Variants in BRIP1 observed in about 807,000 individuals in gnomAD.
BRIP1 encodes BRCA1 interacting DNA helicase 1, also known as Fanconi anemia group J protein.
Under a neutral mutation model 119.7 loss-of-function variants are expected in BRIP1, and 88 were observed. The ratio of observed to expected loss-of-function variants is 0.74; its 90% CI spans 0.62 to 0.88. The LOEUF is 0.88. Among genes scored for constraint, BRIP1 ranks in the 40% least tolerant of loss-of-function variants. The pLI, the probability that BRIP1 is intolerant of heterozygous loss-of-function variation, is 0.00. For synonymous variants in BRIP1, 443 were observed against 496.5 expected, an observed-to-expected ratio of 0.89 and a Z score of 1.43; for missense variants, 1,259 against 1,455.4, an observed-to-expected ratio of 0.87 and a Z score of 2.20.
chr17:61,790,258 T>C (rs527454671), intron 10 of BRIP1, among the ~76,000 whole-genome samples: 1 of 152,178 alleles, frequency 6.6e-6, no homozygotes, highest in Non-Finnish European at 1.5e-5. Context: ...TTAAGATTCA[T>C]CTAGAGCCAG....
At chr17:61,801,550 T>C (rs2077994803) in intron 7 of BRIP1, 76 bp from the exon 8 acceptor site, 1 of 1,311,222 alleles carries the variant, frequency 7.6e-7, no homozygotes, top group Non-Finnish European at 1.1e-6. Context: ...ATCTCAGAAT[T>C]TGAGGAACAT....
In BRIP1 at chr17:61,827,244, G is replaced by A. The variant is rs1192162425; in HGVS notation, c.628-18487C>T. On this transcript the variant is annotated intron_variant, in intron 6 of 19. Coordinates refer to ENST00000259008, the MANE Select transcript of BRIP1 (RefSeq NM_032043.3). This position sits in a 1 kb window ranked among gnomAD's most constrained non-coding sequence, Gnocchi z 5.8. ...ATGAGAACATATGGAAACATAAAGG[G>A]GAAAAACACACAATGGGGCCTATCA... Among the ~76,000 whole-genome samples the A allele has an allele frequency of 6.6e-6, 1 of 152,034 alleles. No homozygotes were observed. The highest frequency in any genetic ancestry group is 2.4e-5 in the African/African-American group (1 of 41,390).
rs1403591608 is a variant in BRIP1 at position 61,740,808 on chromosome 17, G to C, written c.2379+2205C>G. Among the ~76,000 whole-genome samples, 1 of 152,186 alleles carries C rather than the reference G, an allele frequency of 6.6e-6. No homozygotes were observed. Among genetic ancestry groups the C allele is most frequent in the Non-Finnish European group, 1.5e-5 (1 of 68,040 alleles). ...GAATGATCATCTGAGCCTTCAGTGAGTCACTCTCTTTGCTGGTAGAGGGTC... is the reference window on the plus strand; with the variant it reads ...GAATGATCATCTGAGCCTTCAGTGACTCACTCTCTTTGCTGGTAGAGGGTC... On this transcript the variant is annotated intron_variant, in intron 16 of 19. Coordinates refer to ENST00000259008, the MANE Select transcript of BRIP1 (RefSeq NM_032043.3). The surrounding 1 kb of genome is among the most constrained non-coding windows in gnomAD (Gnocchi z 5.4).
Position 61,843,365 on chromosome 17 carries a change from G to A in BRIP1, c.627+3736C>T, listed in dbSNP as rs978210643. Among the ~76,000 whole-genome samples, 2 of 151,958 alleles carry A rather than the reference G, an allele frequency of 1.3e-5. No homozygotes were observed. Among genetic ancestry groups the A allele is most frequent in the African/African-American group, 4.8e-5 (2 of 41,348 alleles). Reference sequence around the variant, plus strand: ...TCGATATTGGCTTTAAAATTTTCAGGTGTTCTCAACACACACACACACACA... The same window carrying A: ...TCGATATTGGCTTTAAAATTTTCAGATGTTCTCAACACACACACACACACA... On this transcript the variant is annotated intron_variant, in intron 6 of 19. Transcript: ENST00000259008. This position sits in a 1 kb window ranked among gnomAD's most constrained non-coding sequence, Gnocchi z 5.7.
chr17:61,850,720 C>A (rs1048814089), intron 4 of BRIP1, among the ~76,000 whole-genome samples: 1 of 151,328 alleles, frequency 6.6e-6, no homozygotes, highest in Non-Finnish European at 1.5e-5. Flanking sequence ...CCCAGCTACT[C>A]GGGAGGTTGA....
At chr17:61,791,084 G>A (rs2077808737) in intron 10 of BRIP1, among the ~76,000 whole-genome samples, 1 of 152,114 alleles carries the variant, frequency 6.6e-6, no homozygotes, top group African/African-American at 2.4e-5. Context: ...TAAAATATAT[G>A]TTTTAATAGT....
chr17:61,768,193 T>C lies in BRIP1; in HGVS notation c.2097+8208A>G, dbSNP rs966963872. On this transcript the variant is annotated intron_variant, in intron 14 of 19. Coordinates refer to ENST00000259008, the MANE Select transcript of BRIP1 (RefSeq NM_032043.3). The surrounding 1 kb of genome is among the most constrained non-coding windows in gnomAD (Gnocchi z 5.0). ...ATGTACTCAATAATGATTTCTTCAA[T>C]GGATTAAGTAAATAAAAATAAATGT... Among the ~76,000 whole-genome samples, 2 of 152,184 alleles carry C rather than the reference T, an allele frequency of 1.3e-5. No individual in the cohort carries two copies. Among genetic ancestry groups the C allele is most frequent in the African/African-American group, 2.4e-5 (1 of 41,450 alleles).
In BRIP1 at chr17:61,828,472, C is replaced by A. The variant is rs2078442090; in HGVS notation, c.627+18629G>T. ...GTTTGGAAAGATGAAAAGGTTCTGG[C>A]ACTAGATAATAGTATATAAATATGC... On this transcript the variant is annotated intron_variant, in intron 6 of 19. Coordinates refer to ENST00000259008, the MANE Select transcript of BRIP1 (RefSeq NM_032043.3). The surrounding 1 kb of genome is among the most constrained non-coding windows in gnomAD (Gnocchi z 4.1). Among the ~76,000 whole-genome samples, 2 of 151,640 alleles carry A rather than the reference C, an allele frequency of 1.3e-5. No individual in the cohort carries two copies. Among genetic ancestry groups the A allele is most frequent in the Non-Finnish European group, 2.9e-5 (2 of 67,952 alleles).
Position 61,780,930 on chromosome 17 carries a change from ATT to A in BRIP1, c.1702_1703del (p.Asn568TrpfsTer9), listed in dbSNP as rs1057519365. Reference sequence around the variant, plus strand: ...TATTTTTTGGTAGAACCAACAACCCATTTTTGTCTGAAATATCAATCTGATTT... The same window carrying A: ...TATTTTTTGGTAGAACCAACAACCCATTTGTCTGAAATATCAATCTGATTT... ...WTNQIDISDKNGLLVLPKNKK... is the reference protein window; with the variant it reads ...WTNQIDISDKXGLLVLPKNKK... On this transcript the variant is annotated frameshift_variant, in exon 12 of 20. Coordinates refer to ENST00000259008, the MANE Select transcript of BRIP1 (RefSeq NM_032043.3). LOFTEE classifies it high-confidence loss of function. This position sits in a 1 kb window ranked among gnomAD's most constrained non-coding sequence, Gnocchi z 5.4. The A allele has an allele frequency of 2.5e-6, 4 of 1,614,070 alleles. No homozygotes were observed. The highest frequency in any genetic ancestry group is 1.7e-5 in the Admixed American group (1 of 60,014).
At position 61,762,273 on chromosome 17, in the gene BRIP1, A is replaced by C. The variant is rs2077288401; in HGVS notation, c.2097+14128T>G. On this transcript the variant is annotated intron_variant, in intron 14 of 19. Coordinates refer to ENST00000259008, the MANE Select transcript of BRIP1 (RefSeq NM_032043.3). This position sits in a 1 kb window ranked among gnomAD's most constrained non-coding sequence, Gnocchi z 4.3. ...CAAAATGAATTAAAGATTTAAACCCAAGAACTGAAACTGTAAAACTACTAG... is the reference window on the plus strand; with the variant it reads ...CAAAATGAATTAAAGATTTAAACCCCAGAACTGAAACTGTAAAACTACTAG... Among the ~76,000 whole-genome samples, 1 of 152,148 alleles carries C rather than the reference A, an allele frequency of 6.6e-6. No individual in the cohort carries two copies. Among genetic ancestry groups the C allele is most frequent in the Admixed American group, 6.6e-5 (1 of 15,264 alleles).
chr17:61,697,442 G>A (rs2061546632), intron 17 of BRIP1, among the ~76,000 whole-genome samples: 1 of 142,530 alleles, frequency 7.0e-6, no homozygotes, highest in Admixed American at 6.9e-5. Context: ...TTTAATCTAA[G>A]TTATTTGTCA....
At chr17:61,811,130 GTTTTT>G (rs1223976812) in intron 6 of BRIP1, among the ~76,000 whole-genome samples, 4 of 151,950 alleles carry the variant, frequency 2.6e-5, no homozygotes, top group Non-Finnish European at 4.4e-5. Flanking sequence ...GTTTTTGTTT[GTTTTT>G]TTAAGTTGTA....
rs924697559 is a variant in BRIP1, at chr17:61,822,707, T to G, written c.628-13950A>C. Among the ~76,000 whole-genome samples the G allele has an allele frequency of 2.4e-4, 36 of 151,956 alleles. No homozygotes were observed. The highest frequency in any genetic ancestry group is 8.0e-4 in the African/African-American group (33 of 41,348). ...ATCAATAGAAAGGAGGAAAAATAAT[T>G]GACAAACATCCAGTGATGTGTAAAT... On this transcript the variant is annotated intron_variant, in intron 6 of 19. Coordinates refer to ENST00000259008, the MANE Select transcript of BRIP1 (RefSeq NM_032043.3). This position sits in a 1 kb window ranked among gnomAD's most constrained non-coding sequence, Gnocchi z 4.4.
Position 61,757,631 on chromosome 17 carries a change from C to G in BRIP1, c.2098-13040G>C, listed in dbSNP as rs2077217797. Among the ~76,000 whole-genome samples the G allele has an allele frequency of 3.9e-5, 6 of 152,126 alleles. No individual in the cohort carries two copies. On this transcript the variant is annotated intron_variant, in intron 14 of 19. Coordinates refer to ENST00000259008, the MANE Select transcript of BRIP1 (RefSeq NM_032043.3). This position sits in a 1 kb window ranked among gnomAD's most constrained non-coding sequence, Gnocchi z 4.3. Reference sequence around the variant, plus strand: ...ACAATGATATTTACAATGCAAAAAACTTCAAAAAATGACATTTGTAAAACA... The same window carrying G: ...ACAATGATATTTACAATGCAAAAAAGTTCAAAAAATGACATTTGTAAAACA...
chr17:61,784,204 A>G, intron 11 of BRIP1, 66 bp downstream of exon 11: 5 of 1,452,870 alleles, frequency 3.4e-6, no homozygotes, highest in Non-Finnish European at 4.8e-6. Flanking sequence ...TATGTATTAA[A>G]CACATGCTAG....
chr17:61,854,293 C>A (rs2078863367), intron 4 of BRIP1, among the ~76,000 whole-genome samples: 1 of 151,590 alleles, frequency 6.6e-6, no homozygotes. Context: ...AAAAGAATGG[C>A]TAAAATTAAA....
chr17:61,791,488 C>CAAAAAAAAAAAAAAAA lies in BRIP1; in HGVS notation c.1473+2093_1473+2108dup, dbSNP rs529710126. 7.6e-5 allele frequency among the ~76,000 whole-genome samples: 4 copies of CAAAAAAAAAAAAAAAA among 52,922 alleles called. 1 individual carries two copies. The highest frequency in any genetic ancestry group is 3.3e-4 in the African/African-American group (4 of 12,134). The allele number at this position is 52,922 out of a possible 152,430, so 34.7% of individuals were successfully genotyped here. ...TGGGCAACAGAGTGAGACTTCATCTCAAAAAAAAAAAAAAAAAAAAAAGAA... is the reference window on the plus strand; with the variant it reads ...TGGGCAACAGAGTGAGACTTCATCTCAAAAAAAAAAAAAAAAAAAAAAAAAAAAAAAAAAAAAAGAA... On this transcript the variant is annotated intron_variant, in intron 10 of 19. Transcript: ENST00000259008.
chr17:61,799,115 C>T lies in BRIP1; in HGVS notation c.1325G>A (p.Cys442Tyr), dbSNP rs1555607040. The change falls in exon 9 of 20, where the codon TGC becomes TAC. Residue 442 changes from cysteine to tyrosine, a missense_variant. Cys to Tyr is a radical substitution (Grantham distance 194, BLOSUM62 -2). Coordinates refer to ENST00000259008, the MANE Select transcript of BRIP1 (RefSeq NM_032043.3). This position sits in a 1 kb window ranked among gnomAD's most constrained non-coding sequence, Gnocchi z 5.1. ...KKDHEPLRAV[C>Y]CSLINWLEAN... ...ATCTTCTTACTTAATGAGGCTACAGCACACAGCTCGTAGGGGTTCATGATC... is the reference window on the plus strand; with the variant it reads ...ATCTTCTTACTTAATGAGGCTACAGTACACAGCTCGTAGGGGTTCATGATC... The T allele has an allele frequency of 6.2e-7, 1 of 1,612,878 alleles. No individual in the cohort carries two copies.
At position 61,683,898 on chromosome 17, in the gene BRIP1, T is replaced by C. The variant is rs1567728933; in HGVS notation, c.3148A>G (p.Thr1050Ala). The change falls in exon 20 of 20, where the codon ACT (threonine) becomes GCT (alanine). Residue 1050 changes from threonine (T) to alanine (A), a missense_variant. Around this residue, in one of 3 missense-constraint regions of BRIP1, gnomAD observed 753 missense variants for 891.8 expected, o/e 0.84. Transcript: ENST00000259008. This position sits in a 1 kb window ranked among gnomAD's most constrained non-coding sequence, Gnocchi z 4.7. ...KMESKTVLPF[T>A]DKCESSNLTV... is the part of the protein sequence containing the mutation. Reference sequence around the variant, plus strand: ...AGATTTGAGGATTCACATTTATCAGTGAAGGGCAAAACAGTTTTACTTTCC... The same window carrying C: ...AGATTTGAGGATTCACATTTATCAGCGAAGGGCAAAACAGTTTTACTTTCC... 6.2e-7 allele frequency: 1 copy of C among 1,614,172 alleles called. No individual in the cohort carries two copies. Among genetic ancestry groups the C allele is most frequent in the Non-Finnish European group, 8.5e-7 (1 of 1,180,026 alleles).
Sources: allele counts gnomAD v4.1 joint callset (sites outside exome capture counted in the v4.1 genomes callset), GRCh38; gene constraint gnomAD v4.1.1; regional missense constraint gnomAD v4.1.1; non-coding constraint Gnocchi (gnomAD v3.1); transcripts MANE v1.5; gene names NCBI Gene and HGNC (gene_info 2026-07-23, HGNC 2026-07-21).